Variants in NPSR1 observed in about 807,000 individuals in gnomAD.
NPSR1 encodes neuropeptide S receptor 1, also known as neuropeptide S receptor.
In NPSR1, 48 loss-of-function variants were observed where a neutral mutation model predicts 46.9. The ratio of observed to expected loss-of-function variants is 1.02; its 90% CI spans 0.81 to 1.30. The LOEUF is 1.30. Among genes scored for constraint, NPSR1 ranks in the 50% most tolerant of loss-of-function variants. The pLI, the probability that NPSR1 is intolerant of heterozygous loss-of-function variation, is 0.00. For missense variants in NPSR1, 450 were observed against 449.5 expected (o/e 1.00, Z -0.01); for synonymous variants, 176 against 168.1 (o/e 1.05, Z -0.36).
chr7:34,782,974 A>T (rs531759833), intron 3 of NPSR1, among the ~76,000 whole-genome samples: 112 of 152,308 alleles, frequency 7.4e-4, no homozygotes, highest in African/African-American at 2.6e-3. Context: ...GAGCTAAAAA[A>T]CATTATAAAT....
chr7:34,871,306 A>G (rs1791447561), intron 8 of NPSR1, among the ~76,000 whole-genome samples: 1 of 151,616 alleles, frequency 6.6e-6, no homozygotes, highest in South Asian at 2.1e-4. Flanking sequence ...CTCACTCATC[A>G]TTAGGGGATG....
At chr7:34,671,892 TGGG>T (rs1792077912) in intron 1 of NPSR1, among the ~76,000 whole-genome samples, 1 of 135,508 alleles carries the variant, frequency 7.4e-6, no homozygotes, top group African/African-American at 3.3e-5. Context: ...CAAGCCAAAG[TGGG>T]CCCTCCAGGG....
In NPSR1 at chr7:34,824,899, T is replaced by G. The variant is rs532914174; in HGVS notation, c.479-2502T>G. ...TCAAGAAGAACCCCCTCCAGTCCTA[T>G]TACCTGCCCTCTTCATCCCACCCTG... On this transcript the variant is annotated intron_variant, in intron 4 of 8. Coordinates refer to ENST00000360581, the MANE Select transcript of NPSR1 (RefSeq NM_207172.2). Among the ~76,000 whole-genome samples the G allele has an allele frequency of 2.0e-4, 30 of 152,104 alleles. No individual in the cohort carries two copies. In the East Asian group the frequency reaches 3.7e-3, roughly 19 times the overall value.
intron 2 of NPSR1, among the ~76,000 whole-genome samples, chr7:34,733,233 A>G (rs566863071): frequency 9.2e-5 from 14 of 152,272 alleles, no homozygotes; most frequent in African/African-American, 2.6e-4. Flanking sequence ...CAGCCTGGCC[A>G]ACATGGTGAA....
intron 3 of NPSR1, among the ~76,000 whole-genome samples, chr7:34,791,151 TTATATATTA>T (rs1206736645): frequency 4.4e-4 from 32 of 73,270 alleles, no homozygotes; most frequent in Admixed American, 7.5e-4. Flanking sequence ...ATATAATATG[TTATATATTA>T]TATATGTTAT....
intron 1 of NPSR1, among the ~76,000 whole-genome samples, chr7:34,683,436 G>A (rs1161689780): frequency 1.4e-5 from 2 of 142,332 alleles, no homozygotes; most frequent in African/African-American, 2.8e-5. Flanking sequence ...GACAGAGTGA[G>A]ACTCTGTCAC....
At chr7:34,768,009 G>GC (rs1353071946) in intron 2 of NPSR1, among the ~76,000 whole-genome samples, 2 of 151,992 alleles carry the variant, frequency 1.3e-5, no homozygotes, top group African/African-American at 4.8e-5. Context: ...AAAGAATATT[G>GC]CATGATCCTC....
chr7:34,742,412 A>G (rs184499101), intron 2 of NPSR1, among the ~76,000 whole-genome samples: 69 of 152,306 alleles, frequency 4.5e-4, no homozygotes, highest in African/African-American at 1.6e-3. Context: ...AAGTGGGAAC[A>G]TGCGGTATTT....
chr7:34,834,298 C>G (rs1790264600), intron 5 of NPSR1, 86 bp from the exon 6 acceptor site: 2 of 950,762 alleles, frequency 2.1e-6, no homozygotes, highest in Admixed American at 3.4e-5. Flanking sequence ...ACACCTTGCA[C>G]TCGGGGAGGT....
Position 34,823,399 on chromosome 7 carries a change from G to GAAAAAAAAAAAAAAAAA in NPSR1, c.479-4001_479-3985dup, listed in dbSNP as rs577186339. Among the ~76,000 whole-genome samples the GAAAAAAAAAAAAAAAAA allele has an allele frequency of 3.4e-3, 233 of 68,098 alleles. 10 individuals carry two copies. Among genetic ancestry groups the GAAAAAAAAAAAAAAAAA allele is most frequent in the East Asian group, 7.8e-3 (13 of 1,666 alleles). 44.7% of individuals were successfully genotyped at this position (68,098 alleles called of 152,430 possible). On this transcript the variant is annotated intron_variant, in intron 4 of 8. Coordinates refer to ENST00000360581, the MANE Select transcript of NPSR1 (RefSeq NM_207172.2). ...TTGGCAACAGAGCAAGACTTCACCA[G>GAAAAAAAAAAAAAAAAA]AAAAAAAAAAAAAAAAACAACACCA...
At chr7:34,763,045 G>C (rs1419207154) in intron 2 of NPSR1, among the ~76,000 whole-genome samples, 1 of 152,170 alleles carries the variant, frequency 6.6e-6, no homozygotes, top group Non-Finnish European at 1.5e-5. Flanking sequence ...TTTTAAGGAA[G>C]TTTGCAAATA....
At position 34,848,551 on chromosome 7, in the gene NPSR1, A is replaced by G. The variant is rs1294567187; in HGVS notation, c.913A>G (p.Thr305Ala). 1 of 1,614,086 alleles carries G rather than the reference A, an allele frequency of 6.2e-7. No homozygotes were observed. The highest frequency in any genetic ancestry group is 2.2e-5 in the East Asian group (1 of 44,876). ...GGACAATTTCAACCTCCTTCCAGAC[A>G]CCCAGGAGCGTTTCTATGCCTCTGT... ...ILDNFNLLPDTQERFYASVII... is the reference protein window; with the variant it reads ...ILDNFNLLPDAQERFYASVII... Residue 305 changes from threonine to alanine, a missense_variant, in exon 8 of 9, where the codon ACC becomes GCC. Physicochemically the swap from Thr to Ala is moderately conservative, Grantham distance 58. Coordinates refer to ENST00000360581, the MANE Select transcript of NPSR1 (RefSeq NM_207172.2).
At position 34,811,873 on chromosome 7, in the gene NPSR1, C is replaced by T. The variant is rs747437542; in HGVS notation, c.478+10C>T. ...AAGTTCCTTCAAGGAGGTGAGCTGG[C>T]TTTACCAGGTGCTCTTTCATAAAGA... On this transcript the variant is annotated intron_variant, in intron 4 of 8. Coordinates refer to ENST00000360581, the MANE Select transcript of NPSR1 (RefSeq NM_207172.2). 2 of 1,594,882 alleles carry T rather than the reference C, an allele frequency of 1.3e-6. No individual in the cohort carries two copies. The highest frequency in any genetic ancestry group is 1.3e-5 in the African/African-American group (1 of 74,610).
At chr7:34,845,380 T>A (rs1251061802) in intron 7 of NPSR1, among the ~76,000 whole-genome samples, 1 of 152,074 alleles carries the variant, frequency 6.6e-6, no homozygotes, top group African/African-American at 2.4e-5. Flanking sequence ...TGATGTTAGG[T>A]TCACTACAAA....
At chr7:34,846,916 C>T (rs575682030) in intron 7 of NPSR1, among the ~76,000 whole-genome samples, 8 of 152,122 alleles carry the variant, frequency 5.3e-5, no homozygotes, top group African/African-American at 1.7e-4. Flanking sequence ...GGCTGGGCTG[C>T]GTGTACCATG....
intron 2 of NPSR1, among the ~76,000 whole-genome samples, chr7:34,710,482 G>A (rs1018241092): frequency 6.6e-6 from 1 of 152,218 alleles, no homozygotes; most frequent in African/African-American, 2.4e-5. Context: ...TGTATTCTAA[G>A]AAGAGAATTC....
In NPSR1 at chr7:34,669,082, C is replaced by G. The variant is rs565313414; in HGVS notation, c.147+10523C>G. Among the ~76,000 whole-genome samples, 6 of 152,226 alleles carry G rather than the reference C, an allele frequency of 3.9e-5. No homozygotes were observed. The East Asian group carries it at 1.2e-3, about 29-fold the overall frequency. On this transcript the variant is annotated intron_variant, in intron 1 of 8. Coordinates refer to ENST00000360581, the MANE Select transcript of NPSR1 (RefSeq NM_207172.2). ...CCCAGATATTGGTTAAAATTATAAC[C>G]CAGATAAGGCGCATGCTCTTTCCAC...
At chr7:34,787,015 T>A (rs894411540) in intron 3 of NPSR1, among the ~76,000 whole-genome samples, 2 of 152,074 alleles carry the variant, frequency 1.3e-5, no homozygotes, top group African/African-American at 4.8e-5. Flanking sequence ...AAAAAGAATA[T>A]CATGATGTCC....
chr7:34,840,462 G>C (rs1790521304), intron 6 of NPSR1, among the ~76,000 whole-genome samples: 1 of 148,042 alleles, frequency 6.8e-6, no homozygotes, highest in South Asian at 2.1e-4. Context: ...CAAGCTCCTG[G>C]AATAGCACAG....
Sources: allele counts gnomAD v4.1 joint callset (sites outside exome capture counted in the v4.1 genomes callset), GRCh38; gene constraint gnomAD v4.1.1; transcripts MANE v1.5; gene names NCBI Gene and HGNC (gene_info 2026-07-23, HGNC 2026-07-21).